ADAM12: variants seen among roughly 807,000 people sequenced by gnomAD.
ADAM12 encodes the protein ADAM metallopeptidase domain 12.
In ADAM12, 70 loss-of-function variants were observed where a neutral mutation model predicts 106.4. That is an observed-to-expected ratio of 0.66 (90% CI 0.54 to 0.80). The LOEUF (loss-of-function observed/expected upper bound fraction) is 0.80, where lower values mean the gene tolerates loss of function less well. ADAM12 is among the 30% of genes least tolerant of loss of function. The probability of loss-of-function intolerance (pLI) is 0.00; values close to 1 mark genes in which losing one functional copy is unlikely to be tolerated. For missense variants in ADAM12, 1,010 were observed against 1,171.9 expected, an observed-to-expected ratio of 0.86 and a Z score of 2.02; for synonymous variants, 420 against 433.5, an observed-to-expected ratio of 0.97 and a Z score of 0.39.
intron 21 of ADAM12, among the ~76,000 whole-genome samples, chr10:126,022,607 A>G (rs921277121): frequency 1.2e-4 from 19 of 152,346 alleles, no homozygotes; most frequent in African/African-American, 3.6e-4. Context: ...TGAAATTGCC[A>G]TGCTGTCTTC....
chr10:126,118,967 T>C (rs1045653447), intron 5 of ADAM12, among the ~76,000 whole-genome samples: 2 of 152,382 alleles, frequency 1.3e-5, no homozygotes, highest in Admixed American at 1.3e-4. Context: ...GGACAATTCC[T>C]ACATCTAATT....
intron 18 of ADAM12, 78 bp downstream of exon 18, chr10:126,042,962 C>T: frequency 7.2e-7 from 1 of 1,390,038 alleles, no homozygotes. Flanking sequence ...TCTACCTGCA[C>T]CCATGCTGAC....
chr10:126,202,021 G>A (rs1276430854), intron 3 of ADAM12, among the ~76,000 whole-genome samples: 2 of 152,196 alleles, frequency 1.3e-5, no homozygotes, highest in East Asian at 3.9e-4. Context: ...AGGCTCTGGG[G>A]CTGCAACGCA....
intron 9 of ADAM12, 92 bp from the exon 10 acceptor site, chr10:126,098,592 A>G: frequency 9.4e-7 from 1 of 1,063,654 alleles, no homozygotes; most frequent in Non-Finnish European, 1.4e-6. Context: ...CCTGCAATAA[A>G]ATACGCAAAA....
At chr10:126,144,023 C>A (rs1956577877) in intron 4 of ADAM12, among the ~76,000 whole-genome samples, 1 of 152,172 alleles carries the variant, frequency 6.6e-6, no homozygotes, top group Non-Finnish European at 1.5e-5. Flanking sequence ...CCACACCCAT[C>A]CTCCGAGCAT....
At chr10:126,081,846 C>T (rs1051756754) in intron 11 of ADAM12, among the ~76,000 whole-genome samples, 5 of 152,264 alleles carry the variant, frequency 3.3e-5, no homozygotes, top group African/African-American at 9.6e-5. Context: ...CGAATCCCCC[C>T]GTATATGATA....
At chr10:126,158,821 G>A (rs1484611920) in intron 3 of ADAM12, among the ~76,000 whole-genome samples, 26 of 125,022 alleles carry the variant, frequency 2.1e-4, no homozygotes, top group Non-Finnish European at 2.5e-4. Flanking sequence ...GGGAGGATGC[G>A]CAGAGCACGG....
At chr10:126,054,464 C>T (rs575362999) in intron 14 of ADAM12, among the ~76,000 whole-genome samples, 8 of 152,316 alleles carry the variant, frequency 5.3e-5, no homozygotes, top group South Asian at 2.1e-4. Flanking sequence ...CAGTGGTTAG[C>T]GATTCTTTTT....
intron 3 of ADAM12, among the ~76,000 whole-genome samples, chr10:126,178,873 C>G (rs1287241174): frequency 6.6e-6 from 1 of 151,906 alleles, no homozygotes; most frequent in African/African-American, 2.4e-5. Flanking sequence ...GTGGTGAAAC[C>G]CCATCTCTAT....
At chr10:126,145,114 T>G (rs1956601420) in intron 4 of ADAM12, among the ~76,000 whole-genome samples, 1 of 152,174 alleles carries the variant, frequency 6.6e-6, no homozygotes, top group Non-Finnish European at 1.5e-5. Context: ...ATGGGCACAT[T>G]ATGTCATATG....
At chr10:126,315,083 G>T (rs1479637609) in intron 2 of ADAM12, among the ~76,000 whole-genome samples, 4 of 152,188 alleles carry the variant, frequency 2.6e-5, no homozygotes, top group Admixed American at 6.6e-5. Context: ...TGCCGTCATG[G>T]TTGCAAGAGC....
At chr10:126,303,923 T>C (rs1178729957) in intron 2 of ADAM12, among the ~76,000 whole-genome samples, 2 of 152,214 alleles carry the variant, frequency 1.3e-5, no homozygotes, top group Admixed American at 6.5e-5. Flanking sequence ...CAGTAGACTA[T>C]GAATACATTA....
intron 2 of ADAM12, among the ~76,000 whole-genome samples, chr10:126,283,198 A>C (rs1959672869): frequency 1.3e-5 from 2 of 152,082 alleles, no homozygotes; most frequent in African/African-American, 4.8e-5. Flanking sequence ...CAGTGATGTG[A>C]GTGGTGGGGA....
intron 21 of ADAM12, among the ~76,000 whole-genome samples, chr10:126,022,826 C>T (rs953932526): frequency 6.6e-6 from 1 of 152,172 alleles, no homozygotes; most frequent in Admixed American, 6.5e-5. Context: ...TTAACTTCTT[C>T]CAGATATTGA....
intron 11 of ADAM12, among the ~76,000 whole-genome samples, chr10:126,072,621 C>T (rs1383683085): frequency 6.6e-6 from 1 of 152,162 alleles, no homozygotes; most frequent in Non-Finnish European, 1.5e-5. Flanking sequence ...AGAAGGAAAA[C>T]ACGCTTCTAA....
At chr10:126,189,097 G>A (rs1261610329) in intron 3 of ADAM12, among the ~76,000 whole-genome samples, 1 of 152,194 alleles carries the variant, frequency 6.6e-6, no homozygotes, top group African/African-American at 2.4e-5. Flanking sequence ...GACAAATGCA[G>A]ATACAATGAG....
At chr10:126,097,623 A>C (rs1250587581) in intron 10 of ADAM12, among the ~76,000 whole-genome samples, 1 of 152,156 alleles carries the variant, frequency 6.6e-6, no homozygotes, top group East Asian at 1.9e-4. Context: ...TGTTTAATGG[A>C]GATGGAAGAA....
At chr10:126,372,004 T>C (rs575372527) in intron 1 of ADAM12, among the ~76,000 whole-genome samples, 1 of 152,326 alleles carries the variant, frequency 6.6e-6, no homozygotes, top group South Asian at 2.1e-4. Flanking sequence ...GTTCACATTA[T>C]TAACACAATC....
intron 11 of ADAM12, among the ~76,000 whole-genome samples, chr10:126,087,938 G>A (rs780275435): frequency 1.3e-5 from 2 of 152,190 alleles, no homozygotes; most frequent in African/African-American, 2.4e-5. Flanking sequence ...GGAGCGGTCT[G>A]CCCAGCCTGT....
Sources: allele counts gnomAD v4.1 joint callset (sites outside exome capture counted in the v4.1 genomes callset), GRCh38; gene constraint gnomAD v4.1.1; transcripts MANE v1.5; gene names NCBI Gene and HGNC (gene_info 2026-07-23, HGNC 2026-07-21).